Variants in PCBP2 observed in about 807,000 individuals in gnomAD.
PCBP2 encodes the protein poly(rC)-binding protein 2.
A neutral mutation model predicts 50.1 loss-of-function variants in PCBP2; 4 were observed. The ratio of observed to expected loss-of-function variants is 0.08; its 90% CI spans 0.04 to 0.18. PCBP2 has a LOEUF of 0.18. PCBP2 is among the 10% of genes least tolerant of loss of function. The pLI, the probability that PCBP2 is intolerant of heterozygous loss-of-function variation, is 1.00. For synonymous variants in PCBP2, 179 were observed against 168.0 expected (o/e 1.07, Z -0.51); for missense variants, 161 against 474.3 (o/e 0.34, Z 6.14).
At chr12:53,457,639 C>T (rs190361710) in intron 5 of PCBP2, among the ~76,000 whole-genome samples, 27 of 152,254 alleles carry the variant, frequency 1.8e-4, no homozygotes, top group African/African-American at 5.8e-4. Context: ...AGCCACCATG[C>T]GTGGCCTTTA....
In PCBP2 at chr12:53,479,986, C is replaced by G. The variant is rs1262749603; in HGVS notation, c.*544C>G. 6.6e-6 allele frequency: 1 copy of G among 152,058 alleles called. No homozygotes were observed. Among genetic ancestry groups the G allele is most frequent in the African/African-American group, 2.4e-5 (1 of 41,338 alleles). 9.4% of individuals were successfully genotyped at this position (152,058 alleles called of 1,614,324 possible). A position where few individuals can be genotyped will look rare whatever the true frequency, so the allele number is the denominator to read the frequency against. ...CCATCTTTTTTTGTGGCCCTCGATCCTATTTTTCCCTGACTCCATGCTTGG... is the reference window on the plus strand; with the variant it reads ...CCATCTTTTTTTGTGGCCCTCGATCGTATTTTTCCCTGACTCCATGCTTGG... On this transcript the variant is annotated 3_prime_UTR_variant, in exon 15 of 15. Transcript: ENST00000546463.
chr12:53,467,044 C>G (rs529664836), intron 10 of PCBP2, among the ~76,000 whole-genome samples, 177 bp from the exon 11 acceptor site: 21 of 152,236 alleles, frequency 1.4e-4, no homozygotes, highest in African/African-American at 5.1e-4. Context: ...CTAACCCTTA[C>G]CCTTCATATT....
chr12:53,475,394 C>CTG (rs1942510853), intron 14 of PCBP2: 2 of 338,364 alleles, frequency 5.9e-6, no homozygotes, highest in Admixed American at 4.2e-5. Context: ...GCCATTTCAG[C>CTG]TGAGTGCCTG....
chr12:53,465,431 T>A (rs565388528), intron 9 of PCBP2, among the ~76,000 whole-genome samples: 1 of 152,264 alleles, frequency 6.6e-6, no homozygotes, highest in East Asian at 1.9e-4. Flanking sequence ...TAGCATCCAG[T>A]GTTCTTAAGG....
At chr12:53,477,266 C>T (rs1489350662) in intron 14 of PCBP2, among the ~76,000 whole-genome samples, 1 of 152,134 alleles carries the variant, frequency 6.6e-6, no homozygotes, top group African/African-American at 2.4e-5. Flanking sequence ...CAGTTCCTTT[C>T]TTAGACCTTC....
intron 14 of PCBP2, among the ~76,000 whole-genome samples, chr12:53,473,289 T>TG (rs904995938): frequency 5.2e-4 from 79 of 152,242 alleles, no homozygotes; most frequent in African/African-American, 1.9e-3. Context: ...TTCACCATGT[T>TG]GGCAAGGATG....
chr12:53,455,823 G>A (rs1451427435), intron 4 of PCBP2, 62 bp from the exon 5 acceptor site: 9 of 1,117,444 alleles, frequency 8.1e-6, no homozygotes, highest in Middle Eastern at 4.0e-4. Flanking sequence ...AGGGACTGTA[G>A]ATCCTGTACA....
intron 14 of PCBP2, chr12:53,475,754 A>G (rs1330139674): frequency 2.0e-5 from 3 of 152,228 alleles, no homozygotes; most frequent in African/African-American, 4.8e-5. Flanking sequence ...TTTGAATCCC[A>G]AGTGAATTTT....
At chr12:53,463,081 T>C (rs1472825450) in intron 8 of PCBP2, among the ~76,000 whole-genome samples, 1 of 152,160 alleles carries the variant, frequency 6.6e-6, no homozygotes, top group Non-Finnish European at 1.5e-5. Flanking sequence ...TCATAAACAC[T>C]GGTTTGAACC....
At position 53,458,074 on chromosome 12, in the gene PCBP2, G is replaced by A. The variant is rs367861796; in HGVS notation, c.244-1198G>A. Among the ~76,000 whole-genome samples, 78 of 151,546 alleles carry A rather than the reference G, an allele frequency of 5.1e-4. No individual in the cohort carries two copies. In the South Asian group the frequency reaches 0.012, roughly 24 times the overall value. On this transcript the variant is annotated intron_variant, in intron 5 of 14. Transcript: ENST00000546463. ...CTCCCCAGTAGCTGGGATTATAGGC[G>A]CCTACCACCATGCCTGGCTAATTTT...
intron 13 of PCBP2, among the ~76,000 whole-genome samples, chr12:53,469,123 A>C (rs1942019451): frequency 6.6e-6 from 1 of 151,780 alleles, no homozygotes; most frequent in Non-Finnish European, 1.5e-5. Context: ...GCTGGTCTCA[A>C]ACTCCCGAGC....
intron 5 of PCBP2, among the ~76,000 whole-genome samples, chr12:53,457,327 CA>C (rs1941103021): frequency 6.6e-6 from 1 of 152,298 alleles, no homozygotes; most frequent in African/African-American, 2.4e-5. Flanking sequence ...GTTGGGATTA[CA>C]GGCGTGAGCC....
chr12:53,463,151 G>A (rs986974046), intron 8 of PCBP2, among the ~76,000 whole-genome samples: 6 of 152,176 alleles, frequency 3.9e-5, no homozygotes, highest in African/African-American at 1.4e-4. Flanking sequence ...TAGAAGGGGG[G>A]TGAGCATGTT....
intron 8 of PCBP2, among the ~76,000 whole-genome samples, chr12:53,463,644 A>G (rs1470602698): frequency 1.3e-5 from 2 of 152,180 alleles, no homozygotes; most frequent in African/African-American, 2.4e-5. Flanking sequence ...ATTTGTTTCT[A>G]TGGGGGGAAT....
intron 4 of PCBP2, 34 bp from the exon 5 acceptor site, chr12:53,455,846 CTTTGT>C (rs1436071882): frequency 7.3e-7 from 1 of 1,371,946 alleles, no homozygotes. Context: ...CTCAGATCTT[CTTTGT>C]TTTAACTTCT....
At chr12:53,478,633 G>A (rs957615026) in intron 14 of PCBP2, among the ~76,000 whole-genome samples, 1 of 152,126 alleles carries the variant, frequency 6.6e-6, no homozygotes, top group Non-Finnish European at 1.5e-5. Flanking sequence ...TTGAAGCCCC[G>A]TCTCTACTAA....
chr12:53,469,263 T>C (rs1942034978), intron 13 of PCBP2, among the ~76,000 whole-genome samples: 1 of 152,154 alleles, frequency 6.6e-6, no homozygotes, highest in South Asian at 2.1e-4. Flanking sequence ...ATTTTATCTT[T>C]ATTTTTGTTT....
chr12:53,474,433 T>C (rs1315099303), intron 14 of PCBP2, among the ~76,000 whole-genome samples: 1 of 152,268 alleles, frequency 6.6e-6, no homozygotes, highest in African/African-American at 2.4e-5. Context: ...TTATAAATAT[T>C]CAAAGCTTCA....
rs1483638346 is a variant in PCBP2, at chr12:53,452,106, G to A, written c.-346G>A. 1 of 145,376 alleles carries A rather than the reference G, an allele frequency of 6.9e-6. No individual in the cohort carries two copies. The highest frequency in any genetic ancestry group is 2.0e-4 in the East Asian group (1 of 4,932). The allele number at this position is 145,376 out of a possible 1,614,324, so 9.0% of individuals were successfully genotyped here. A position where few individuals can be genotyped will look rare whatever the true frequency, so the allele number is the denominator to read the frequency against. On this transcript the variant is annotated 5_prime_UTR_variant, in exon 1 of 15. Coordinates refer to ENST00000546463, the MANE Select transcript of PCBP2 (RefSeq NM_031989.5). ...GCCGCTCCGCCCCGTCCCCCTCCCA[G>A]ACCAGCAGAGGCAGCAGCCGGAGCA...
Sources: allele counts gnomAD v4.1 joint callset (sites outside exome capture counted in the v4.1 genomes callset), GRCh38; gene constraint gnomAD v4.1.1; transcripts MANE v1.5; gene names NCBI Gene and HGNC (gene_info 2026-07-23, HGNC 2026-07-21).